Variants in ATP11C observed in about 807,000 individuals in gnomAD.
ATP11C encodes the protein phospholipid-transporting ATPase IG.
In ATP11C, 36 loss-of-function variants were observed where a neutral mutation model predicts 97.4. That is an observed-to-expected ratio of 0.37 (90% CI 0.28 to 0.49). ATP11C has a LOEUF of 0.49. ATP11C is among the 20% of genes least tolerant of loss of function. ATP11C has a pLI of 0.98. For missense variants in ATP11C, 730 were observed against 824.6 expected, an observed-to-expected ratio of 0.89 and a Z score of 1.40; for synonymous variants, 275 against 290.9, an observed-to-expected ratio of 0.95 and a Z score of 0.56.
At chrX:139,819,491 G>A (rs1372400302) in intron 2 of ATP11C, 64 bp from the exon 3 acceptor site, 1 of 435,326 alleles carries the variant, frequency 2.3e-6, no homozygotes, top group African/African-American at 2.5e-5. Flanking sequence ...TAATAGTAAT[G>A]ACTGATTATG....
intron 1 of ATP11C, among the ~76,000 whole-genome samples, chrX:139,880,215 T>C (rs1331384233): frequency 1.8e-5 from 2 of 111,363 alleles, no homozygotes; most frequent in Admixed American, 9.6e-5. Flanking sequence ...GTAAGAAGAA[T>C]GAAATAAACC....
At chrX:139,862,457 C>T (rs1295114673) in intron 1 of ATP11C, among the ~76,000 whole-genome samples, 1 of 111,366 alleles carries the variant, frequency 9.0e-6, no homozygotes, top group African/African-American at 3.3e-5. Context: ...CTGATGCTAT[C>T]TCCAGAAAGA....
intron 24 of ATP11C, among the ~76,000 whole-genome samples, chrX:139,747,413 G>C (rs1043209688): frequency 2.7e-5 from 3 of 111,255 alleles, no homozygotes; most frequent in Non-Finnish European, 5.7e-5. Context: ...CAAAAACTCA[G>C]AATGGGGCAA....
chrX:139,908,706 G>A (rs984605489), intron 1 of ATP11C, among the ~76,000 whole-genome samples: 3 of 111,942 alleles, frequency 2.7e-5, no homozygotes, highest in Non-Finnish European at 5.6e-5. Context: ...CTATTTATGG[G>A]GCTATAAACC....
At chrX:139,768,519 G>A in intron 19 of ATP11C, 85 bp from the exon 20 acceptor site, 1 of 701,427 alleles carries the variant, frequency 1.4e-6, no homozygotes, top group South Asian at 6.0e-5. Context: ...AACAAAGGGG[G>A]TGGTCTCAGA....
intron 23 of ATP11C, among the ~76,000 whole-genome samples, chrX:139,750,488 C>T (rs2081790753): frequency 8.9e-6 from 1 of 111,844 alleles, no homozygotes; most frequent in African/African-American, 3.2e-5. Context: ...CAGCAAAGAC[C>T]ATTAAGTATA....
chrX:139,747,457 A>G (rs55875102), intron 24 of ATP11C, among the ~76,000 whole-genome samples: 6,108 of 111,044 alleles, frequency 0.055, 409 homozygotes, highest in African/African-American at 0.19. Context: ...GAGAATCAAG[A>G]TCTGGGGAGA....
chrX:139,765,876 T>C (rs745869911), intron 20 of ATP11C, among the ~76,000 whole-genome samples: 29 of 111,259 alleles, frequency 2.6e-4, no homozygotes, highest in African/African-American at 8.5e-4. Context: ...AAGAAAGGAA[T>C]AGATGGAAAA....
intron 1 of ATP11C, among the ~76,000 whole-genome samples, chrX:139,828,093 C>G (rs1293526152): frequency 9.0e-6 from 1 of 111,490 alleles, no homozygotes; most frequent in Non-Finnish European, 1.9e-5. Flanking sequence ...GTATATAACT[C>G]TGGAAAGCTA....
chrX:139,763,253 C>G, intron 21 of ATP11C, 63 bp downstream of exon 21: 2 of 898,885 alleles, frequency 2.2e-6, no homozygotes, highest in Non-Finnish European at 3.2e-6. Flanking sequence ...GAATGTAAGA[C>G]CACACTACCT....
At chrX:139,837,256 T>C (rs1318121191) in intron 1 of ATP11C, among the ~76,000 whole-genome samples, 1 of 111,826 alleles carries the variant, frequency 8.9e-6, no homozygotes, top group East Asian at 2.8e-4. Context: ...AAAGCACACA[T>C]AGGGGGTATC....
chrX:139,903,313 C>A (rs758396679), intron 1 of ATP11C, among the ~76,000 whole-genome samples: 4 of 110,944 alleles, frequency 3.6e-5, no homozygotes, highest in African/African-American at 1.3e-4. Flanking sequence ...ACTCAGGGGG[C>A]AGGCCTCTGA....
At chrX:139,813,492 A>G (rs769415052) in intron 5 of ATP11C, among the ~76,000 whole-genome samples, 49 of 112,457 alleles carry the variant, frequency 4.4e-4, no homozygotes, top group Non-Finnish European at 8.4e-4. Context: ...AGTTTTACTC[A>G]TAATTGCCAA....
At chrX:139,858,893 T>C (rs771756346) in intron 1 of ATP11C, among the ~76,000 whole-genome samples, 2 of 112,157 alleles carry the variant, frequency 1.8e-5, no homozygotes, top group African/African-American at 6.5e-5. Context: ...ATTCACAGCA[T>C]TGTGCAACCA....
At chrX:139,820,989 C>T (rs1274659604) in intron 2 of ATP11C, among the ~76,000 whole-genome samples, 1 of 111,319 alleles carries the variant, frequency 9.0e-6, no homozygotes, top group Non-Finnish European at 1.9e-5. Context: ...TCCCAATTAT[C>T]TGTATAATAT....
At chrX:139,865,094 A>AT (rs2084259496) in intron 1 of ATP11C, among the ~76,000 whole-genome samples, 1 of 112,374 alleles carries the variant, frequency 8.9e-6, no homozygotes, top group Non-Finnish European at 1.9e-5. Context: ...AAAATGTTTA[A>AT]GGCCAGGCAC....
chrX:139,861,800 A>ACC (rs1556389808), intron 1 of ATP11C, among the ~76,000 whole-genome samples: 5 of 106,467 alleles, frequency 4.7e-5, no homozygotes, highest in Admixed American at 1.0e-4. Context: ...ACACACACAC[A>ACC]CCCTCTTCAT....
chrX:139,802,370 C>CA, intron 6 of ATP11C, 31 bp from the exon 7 acceptor site: 2 of 1,010,976 alleles, frequency 2.0e-6, no homozygotes, highest in Non-Finnish European at 2.8e-6. Flanking sequence ...AAGTGAAAAC[C>CA]AAAAAAACTT....
intron 3 of ATP11C, among the ~76,000 whole-genome samples, chrX:139,818,589 T>C (rs1324283937): frequency 8.9e-6 from 1 of 112,136 alleles, no homozygotes; most frequent in African/African-American, 3.2e-5. Context: ...CCCAGACTGA[T>C]TTTAAGTAGC....
Sources: allele counts gnomAD v4.1 joint callset (sites outside exome capture counted in the v4.1 genomes callset), GRCh38; gene constraint gnomAD v4.1.1; transcripts MANE v1.5; gene names NCBI Gene and HGNC (gene_info 2026-07-23, HGNC 2026-07-21).